Variants in INPP5B observed in about 807,000 individuals in gnomAD.
The protein encoded by INPP5B is type II inositol 1,4,5-trisphosphate 5-phosphatase.
A neutral mutation model predicts 118.5 loss-of-function variants in INPP5B; 90 were observed. The ratio of observed to expected loss-of-function variants is 0.76; its 90% CI spans 0.64 to 0.90. The LOEUF (loss-of-function observed/expected upper bound fraction) is 0.90, where lower values mean the gene tolerates loss of function less well. Ranked by LOEUF, INPP5B falls within the 40% of genes least tolerant of loss-of-function variation. The pLI is 0.00. For missense variants in INPP5B, 984 were observed against 1,125.6 expected (o/e 0.87, Z 1.80); for synonymous variants, 385 against 418.9 (o/e 0.92, Z 0.99).
At chr1:37,913,883 C>A (rs892432528) in intron 7 of INPP5B, among the ~76,000 whole-genome samples, 1 of 152,176 alleles carries the variant, frequency 6.6e-6, no homozygotes, top group Non-Finnish European at 1.5e-5. Context: ...CACAAAAGAA[C>A]TGAAAATAGC....
chr1:37,884,114 A>C (rs1169504475), intron 13 of INPP5B: 2 of 152,590 alleles, frequency 1.3e-5, no homozygotes, highest in Non-Finnish European at 2.9e-5. Context: ...GAACAGACAA[A>C]TAAAATCCTA....
At position 37,931,945 on chromosome 1, in the gene INPP5B, A is replaced by C. The variant is rs775928750; in HGVS notation, c.500T>G (p.Val167Gly). ...AATTGTCGCGTACCCTGGCCAGGTA[A>C]CTAGGGCCGAGTTACAACCGCGCGG... is the stretch of plus-strand genomic sequence containing the variant. ...PTPRGCNSAL[V>G]TWPGYATIGG... The change falls in exon 7 of 24, where the codon GTT becomes GGT. Residue 167 changes from valine to glycine, a missense_variant. By Grantham distance (109) the Val-to-Gly change is moderately radical (BLOSUM62 -3). This residue lies in a region of INPP5B where 350 missense variants were observed against 334.6 expected (regional missense o/e 1.05). Coordinates refer to ENST00000373024, the MANE Select transcript of INPP5B (RefSeq NM_005540.3). 14 of 1,613,982 alleles carry C rather than the reference A, an allele frequency of 8.7e-6. No homozygotes were observed. The highest frequency in any genetic ancestry group is 1.7e-5 in the Admixed American group (1 of 59,994).
At chr1:37,922,890 G>A (rs1645105754) in intron 7 of INPP5B, among the ~76,000 whole-genome samples, 2 of 152,176 alleles carry the variant, frequency 1.3e-5, no homozygotes, top group Admixed American at 1.3e-4. Context: ...TTACTTTACG[G>A]CAACAGGTTG....
chr1:37,896,022 A>T (rs927238005), intron 7 of INPP5B, among the ~76,000 whole-genome samples: 3 of 148,036 alleles, frequency 2.0e-5, no homozygotes, highest in Non-Finnish European at 3.0e-5. Flanking sequence ...CAGTCTGGAA[A>T]GTGAGGAGCG....
intron 8 of INPP5B, among the ~76,000 whole-genome samples, chr1:37,890,296 A>G (rs895693115): frequency 3.3e-5 from 5 of 152,072 alleles, no homozygotes; most frequent in Admixed American, 3.3e-4. Context: ...AACCACTTGA[A>G]CCTGGGAGAC....
intron 17 of INPP5B, among the ~76,000 whole-genome samples, chr1:37,875,261 G>A (rs1333789179): frequency 6.6e-6 from 1 of 151,630 alleles, no homozygotes; most frequent in African/African-American, 2.4e-5. Flanking sequence ...AGGAATAGAA[G>A]AGCCCAACAC....
At chr1:37,896,777 T>G (rs1570166969) in intron 7 of INPP5B, among the ~76,000 whole-genome samples, 6 of 113,680 alleles carry the variant, frequency 5.3e-5, no homozygotes, top group Admixed American at 9.6e-5. Flanking sequence ...GGGAGGGAGG[T>G]GGGGGGGTCA....
chr1:37,945,984 G>T, intron 2 of INPP5B, 134 bp from the exon 3 acceptor site: 5 of 776,448 alleles, frequency 6.4e-6, no homozygotes, highest in Non-Finnish European at 1.1e-5. Context: ...ACCATGTGCT[G>T]AACTAACAGA....
intron 7 of INPP5B, among the ~76,000 whole-genome samples, chr1:37,912,229 C>A (rs1557686955): frequency 1.3e-5 from 2 of 152,160 alleles, no homozygotes; most frequent in African/African-American, 4.8e-5. Context: ...CTGGACCCCA[C>A]TTAGTCATCT....
chr1:37,873,515 A>G, intron 18 of INPP5B: 1 of 344,554 alleles, frequency 2.9e-6, no homozygotes. Context: ...GACTCAGTAG[A>G]AGTGTAACGC....
At chr1:37,880,032 C>T (rs1410499057) in intron 15 of INPP5B, 53 bp downstream of exon 15, 26 of 1,229,926 alleles carry the variant, frequency 2.1e-5, no homozygotes, top group Non-Finnish European at 2.8e-5. Context: ...AAGTACTTCC[C>T]AGAATTTCTG....
intron 23 of INPP5B, 134 bp downstream of exon 23, chr1:37,864,178 G>A (rs1405500221): frequency 1.7e-6 from 1 of 601,318 alleles, no homozygotes; most frequent in African/African-American, 1.9e-5. Flanking sequence ...AAAACTTTCT[G>A]CTTTAAAAAA....
chr1:37,868,639 A>C, intron 19 of INPP5B, 25 bp from the exon 20 acceptor site: 1 of 1,503,894 alleles, frequency 6.6e-7, no homozygotes, highest in African/African-American at 1.4e-5. Flanking sequence ...AGATCATGAC[A>C]GAACTTCTGC....
At chr1:37,901,992 A>ATTT (rs34179585) in intron 7 of INPP5B, among the ~76,000 whole-genome samples, 3 of 148,330 alleles carry the variant, frequency 2.0e-5, no homozygotes, top group African/African-American at 7.5e-5. Flanking sequence ...CCTCTATTAA[A>ATTT]TTTTTTTTTT....
chr1:37,866,406 TCACACA>T (rs57582108), intron 21 of INPP5B, 47 bp downstream of exon 21: 65 of 404,444 alleles, frequency 1.6e-4, no homozygotes, highest in Admixed American at 6.2e-4. Context: ...TCTCTCTCTC[TCACACA>T]CACACACACA....
chr1:37,873,418 G>A, intron 18 of INPP5B: 1 of 488,930 alleles, frequency 2.0e-6, no homozygotes, highest in South Asian at 2.2e-5. Context: ...CAAGCACTAA[G>A]GAGCACAGCT....
intron 8 of INPP5B, 117 bp from the exon 9 acceptor site, chr1:37,889,841 C>A: frequency 1.5e-6 from 1 of 646,436 alleles, no homozygotes; most frequent in Non-Finnish European, 2.6e-6. Context: ...CTAAAGGAGG[C>A]CAAAGTAAAA....
chr1:37,933,173 T>A (rs114444266), intron 6 of INPP5B, among the ~76,000 whole-genome samples: 2,239 of 152,326 alleles, frequency 0.015, 39 homozygotes, highest in African/African-American at 0.04. Context: ...ATACTTGGCC[T>A]CGTCTGATCC....
Position 37,885,651 on chromosome 1 carries a change from T to C in INPP5B, c.1306A>G (p.Ile436Val), listed in dbSNP as rs749865103. ...QPDPSLPPLT[I>V]SNHDVILWLG... ...GCCCAGACTCACTCATGGTTGCTGA[T>C]GGTGAGAGGGGGAAGGCTTGGGTCA... is the stretch of plus-strand genomic sequence containing the variant. Residue 436 changes from isoleucine to valine, a missense_variant, in exon 13 of 24, where the codon ATC becomes GTC. Transcript: ENST00000373024. The C allele has an allele frequency of 1.9e-6, 3 of 1,613,698 alleles. No homozygotes were observed. The highest frequency in any genetic ancestry group is 2.2e-5 in the East Asian group (1 of 44,876).
Sources: allele counts gnomAD v4.1 joint callset (sites outside exome capture counted in the v4.1 genomes callset), GRCh38; gene constraint gnomAD v4.1.1; regional missense constraint gnomAD v4.1.1; transcripts MANE v1.5; gene names NCBI Gene and HGNC (gene_info 2026-07-23, HGNC 2026-07-21).